The following FRMD4A variants were observed in gnomAD, a reference collection of about 807,000 sequenced individuals.
FRMD4A encodes the protein FERM domain-containing protein 4A.
Under a neutral mutation model 129.1 loss-of-function variants are expected in FRMD4A, and 29 were observed. The observed-to-expected ratio is 0.22, with a 90% confidence interval of 0.17 to 0.31. The LOEUF (loss-of-function observed/expected upper bound fraction) is 0.31, where lower values mean the gene tolerates loss of function less well. Among genes scored for constraint, FRMD4A ranks in the 10% least tolerant of loss-of-function variants. The probability of loss-of-function intolerance (pLI) is 1.00; values close to 1 mark genes in which losing one functional copy is unlikely to be tolerated. For missense variants in FRMD4A, 1,272 were observed against 1,375.8 expected, an observed-to-expected ratio of 0.92 and a Z score of 1.19; for synonymous variants, 634 against 571.6, an observed-to-expected ratio of 1.11 and a Z score of -1.56.
chr10:13,922,524 T>C (rs1234663100), intron 2 of FRMD4A, among the ~76,000 whole-genome samples: 1 of 152,186 alleles, frequency 6.6e-6, no homozygotes, highest in Non-Finnish European at 1.5e-5. Context: ...TGGTTTATTT[T>C]TTTAGATTAC....
chr10:13,818,781 G>A (rs528980837), intron 3 of FRMD4A, among the ~76,000 whole-genome samples: 2 of 152,260 alleles, frequency 1.3e-5, no homozygotes, highest in African/African-American at 2.4e-5. Context: ...GCCTGGCATG[G>A]AACGTTACTT....
At chr10:13,678,152 T>C (rs190344850) in intron 15 of FRMD4A, among the ~76,000 whole-genome samples, 9 of 152,288 alleles carry the variant, frequency 5.9e-5, no homozygotes, top group Admixed American at 3.9e-4. Flanking sequence ...ATTATTATCA[T>C]TTCCAATAAT....
chr10:14,187,535 C>T (rs994269398), intron 2 of FRMD4A, among the ~76,000 whole-genome samples: 3 of 152,196 alleles, frequency 2.0e-5, no homozygotes, highest in African/African-American at 7.2e-5. Flanking sequence ...ATGCCTTTCT[C>T]CATTTACCCC....
chr10:13,949,113 T>C (rs1466774344), intron 2 of FRMD4A, among the ~76,000 whole-genome samples: 3 of 152,070 alleles, frequency 2.0e-5, no homozygotes, highest in African/African-American at 7.2e-5. Context: ...ATGGAATAAA[T>C]ACAATTCAAC....
At chr10:13,737,607 C>T (rs1426031230) in intron 12 of FRMD4A, among the ~76,000 whole-genome samples, 1 of 151,968 alleles carries the variant, frequency 6.6e-6, no homozygotes, top group East Asian at 1.9e-4. Flanking sequence ...AGCCAGTCAT[C>T]TCACCTTAAG....
At chr10:14,041,506 C>T (rs1833776928) in intron 2 of FRMD4A, among the ~76,000 whole-genome samples, 1 of 152,108 alleles carries the variant, frequency 6.6e-6, no homozygotes, top group Non-Finnish European at 1.5e-5. Context: ...TTTTGTCAAA[C>T]AAGAGTTAAA....
chr10:14,141,391 T>C (rs1259386033), intron 2 of FRMD4A, among the ~76,000 whole-genome samples: 2 of 152,200 alleles, frequency 1.3e-5, no homozygotes, highest in African/African-American at 4.8e-5. Flanking sequence ...TGCCGGATGC[T>C]ATCCATGCAC....
intron 7 of FRMD4A, 83 bp from the exon 8 acceptor site, chr10:13,761,752 T>C (rs2092082742): frequency 2.2e-6 from 2 of 900,994 alleles, no homozygotes; most frequent in East Asian, 2.4e-5. Flanking sequence ...ATCATGAGAG[T>C]TTCTCTACTG....
At chr10:14,275,985 C>A (rs968211380) in intron 2 of FRMD4A, among the ~76,000 whole-genome samples, 1 of 152,168 alleles carries the variant, frequency 6.6e-6, no homozygotes, top group East Asian at 1.9e-4. Flanking sequence ...CTTCAGTGAG[C>A]TATGAATGTG....
intron 3 of FRMD4A, among the ~76,000 whole-genome samples, chr10:13,846,088 A>T (rs1164507194): frequency 6.6e-6 from 1 of 152,238 alleles, no homozygotes; most frequent in East Asian, 1.9e-4. Flanking sequence ...GGCTGAAAAG[A>T]TGACTCAGCA....
chr10:13,883,592 T>C (rs2131132719), intron 2 of FRMD4A, among the ~76,000 whole-genome samples: 1 of 152,364 alleles, frequency 6.6e-6, no homozygotes. Flanking sequence ...CAGTTGGAAG[T>C]TGCAGATCTC....
chr10:14,072,375 C>T (rs1835357290), intron 2 of FRMD4A, among the ~76,000 whole-genome samples: 1 of 152,166 alleles, frequency 6.6e-6, no homozygotes, highest in African/African-American at 2.4e-5. Context: ...GTGGCTATAC[C>T]ATTTTGGGAA....
chr10:13,709,395 C>T (rs1449375212), intron 12 of FRMD4A, among the ~76,000 whole-genome samples: 1 of 152,190 alleles, frequency 6.6e-6, no homozygotes, highest in African/African-American at 2.4e-5. Flanking sequence ...ACAGTACCGG[C>T]ACAAAGTGAC....
chr10:14,232,914 C>T (rs924060263), intron 2 of FRMD4A, among the ~76,000 whole-genome samples: 29 of 152,088 alleles, frequency 1.9e-4, no homozygotes, highest in African/African-American at 6.0e-4. Context: ...TCTTTTATTT[C>T]GTAGTCTTGC....
chr10:14,139,295 A>G (rs890898772), intron 2 of FRMD4A, among the ~76,000 whole-genome samples: 2 of 152,176 alleles, frequency 1.3e-5, no homozygotes, highest in African/African-American at 4.8e-5. Context: ...CAATTTCTGT[A>G]TTTGAGTCAA....
intron 2 of FRMD4A, among the ~76,000 whole-genome samples, chr10:13,869,816 C>T (rs1471363231): frequency 1.3e-5 from 2 of 152,164 alleles, no homozygotes; most frequent in African/African-American, 4.8e-5. Context: ...AGGATTTTAA[C>T]CCACTATTCT....
At chr10:13,964,458 G>A (rs984180906) in intron 2 of FRMD4A, among the ~76,000 whole-genome samples, 9 of 148,412 alleles carry the variant, frequency 6.1e-5, no homozygotes, top group African/African-American at 1.5e-4. Context: ...CAGGAGTGGC[G>A]TGGAGCTGGA....
At chr10:13,715,905 C>CAAAAAAA (rs61600242) in intron 12 of FRMD4A, among the ~76,000 whole-genome samples, 1 of 125,462 alleles carries the variant, frequency 8.0e-6, no homozygotes. Flanking sequence ...ACTCCCCCCT[C>CAAAAAAA]AAAAAAAAAA....
chr10:13,761,799 A>G, intron 7 of FRMD4A, 130 bp from the exon 8 acceptor site: 1 of 643,712 alleles, frequency 1.6e-6, no homozygotes, highest in Non-Finnish European at 2.8e-6. Context: ...TTATCATCCT[A>G]TTTGCTGCAG....
Sources: gnomAD v4.1 joint callset for allele counts (sites outside exome capture counted in the v4.1 genomes callset) on GRCh38, gnomAD v4.1.1 for gene constraint, MANE v1.5 for transcripts, NCBI Gene and HGNC (gene_info 2026-07-23, HGNC 2026-07-21) for gene names.